The following TBC1D5 variants were observed in gnomAD, a reference collection of about 807,000 sequenced individuals.
TBC1D5 encodes the protein TBC1 domain family member 5, also known as TBC1 domain family, member 5.
In TBC1D5, 75 loss-of-function variants were observed where a neutral mutation model predicts 100.3. The ratio of observed to expected loss-of-function variants is 0.75; its 90% CI spans 0.62 to 0.91. TBC1D5 has a LOEUF of 0.91. Among genes scored for constraint, TBC1D5 ranks in the 40% least tolerant of loss-of-function variants. The pLI, the probability that TBC1D5 is intolerant of heterozygous loss-of-function variation, is 0.00. For missense variants in TBC1D5, 910 were observed against 942.4 expected (o/e 0.97, Z 0.45); for synonymous variants, 323 against 325.6 (o/e 0.99, Z 0.09).
chr3:17,502,829 C>T (rs1225494577), intron 3 of TBC1D5, among the ~76,000 whole-genome samples: 1 of 149,440 alleles, frequency 6.7e-6, no homozygotes, highest in Non-Finnish European at 1.5e-5. Context: ...CTGTATGTCA[C>T]TGCAAACTTC....
At chr3:17,511,813 T>C (rs1266711854) in intron 2 of TBC1D5, among the ~76,000 whole-genome samples, 1 of 152,076 alleles carries the variant, frequency 6.6e-6, no homozygotes, top group Non-Finnish European at 1.5e-5. Context: ...TGATTTATTA[T>C]GCCTATAGAT....
intron 4 of TBC1D5, among the ~76,000 whole-genome samples, chr3:17,410,208 GAAT>G (rs2093885836): frequency 6.6e-6 from 1 of 152,106 alleles, no homozygotes; most frequent in South Asian, 2.1e-4. Context: ...CGTATAAATG[GAAT>G]AACAAAGCCT....
At position 17,603,999 on chromosome 3, in the gene TBC1D5, T is replaced by C. The variant is rs936702411; in HGVS notation, c.-36+19850A>G. Among the ~76,000 whole-genome samples the C allele has an allele frequency of 3.3e-5, 5 of 152,338 alleles. No homozygotes were observed. In the East Asian group the frequency reaches 9.6e-4, roughly 29 times the overall value. On this transcript the variant is annotated intron_variant, in intron 2 of 21. Coordinates refer to ENST00000253692, the Ensembl canonical transcript of TBC1D5. ...CTTCTACTTTACTGTCAGCTTATTCTTGAATTCCTTCCTTCATGAAGCCAA... is the reference window on the plus strand; with the variant it reads ...CTTCTACTTTACTGTCAGCTTATTCCTGAATTCCTTCCTTCATGAAGCCAA...
At chr3:17,518,506 C>A (rs138983059) in intron 2 of TBC1D5, among the ~76,000 whole-genome samples, 1 of 152,172 alleles carries the variant, frequency 6.6e-6, no homozygotes, top group Non-Finnish European at 1.5e-5. Flanking sequence ...GATTACCTAC[C>A]CACCCCATCT....
At chr3:17,328,972 A>T (rs1329909368) in intron 13 of TBC1D5, among the ~76,000 whole-genome samples, 1 of 152,210 alleles carries the variant, frequency 6.6e-6, no homozygotes, top group Non-Finnish European at 1.5e-5. Flanking sequence ...TTTGGTGGGT[A>T]ACACTGAGGA....
At position 17,249,955 on chromosome 3, in the gene TBC1D5, A is replaced by G. The variant is rs56133974; in HGVS notation, c.1331+8551T>C. Among the ~76,000 whole-genome samples the G allele has an allele frequency of 4.4e-3, 675 of 152,374 alleles. 1 individual carries two copies. Among genetic ancestry groups the G allele is most frequent in the African/African-American group, 0.016 (654 of 41,584 alleles). ...TCTTAACAGGTATAATACTGAATAC[A>G]TATGAAATAGTGCTAGAATTACCAA... On this transcript the variant is annotated intron_variant, in intron 16 of 21. Transcript: ENST00000253692.
At chr3:17,566,080 A>C (rs190447812) in intron 2 of TBC1D5, among the ~76,000 whole-genome samples, 36 of 152,152 alleles carry the variant, frequency 2.4e-4, no homozygotes, top group Admixed American at 2.2e-3. Context: ...TTCCTGAACA[A>C]ATCAAACAGT....
chr3:17,740,186 G>T (rs1001476435), exon 1 of TBC1D5: 1 of 151,872 alleles, frequency 6.6e-6, no homozygotes, highest in East Asian at 1.9e-4. Context: ...AAATTAGTCG[G>T]GAGTGGTGGC....
intron 19 of TBC1D5, among the ~76,000 whole-genome samples, chr3:17,180,930 A>G (rs573270013): frequency 1.2e-4 from 19 of 152,026 alleles, no homozygotes; most frequent in East Asian, 1.2e-3. Flanking sequence ...AAAAAAAAAA[A>G]AAAAGAAAAG....
At chr3:17,696,907 T>C (rs2072202453) in intron 1 of TBC1D5, among the ~76,000 whole-genome samples, 1 of 152,158 alleles carries the variant, frequency 6.6e-6, no homozygotes, top group Non-Finnish European at 1.5e-5. Flanking sequence ...TTACCCACCA[T>C]GATCAAGTCA....
In TBC1D5 at chr3:17,636,634, A is replaced by G. The variant is rs536759643; in HGVS notation, c.-100-12721T>C. On this transcript the variant is annotated intron_variant, in intron 1 of 21. Coordinates refer to ENST00000253692, the Ensembl canonical transcript of TBC1D5. ...GTGAAACCCTGTCTCTACTAAAAAT[A>G]AAAAATAAAAAAAAAAATTAGCCAG... Among the ~76,000 whole-genome samples the G allele has an allele frequency of 6.6e-5, 10 of 151,836 alleles. No homozygotes were observed. In the South Asian group the frequency reaches 1.5e-3, roughly 22 times the overall value.
chr3:17,347,690 T>A (rs1256928272), intron 13 of TBC1D5, among the ~76,000 whole-genome samples: 1 of 152,046 alleles, frequency 6.6e-6, no homozygotes, highest in Non-Finnish European at 1.5e-5. Flanking sequence ...GAGCTCGGAA[T>A]TTTTTGAGTT....
At chr3:17,504,381 C>G (rs2095821388) in intron 3 of TBC1D5, among the ~76,000 whole-genome samples, 1 of 150,860 alleles carries the variant, frequency 6.6e-6, no homozygotes, top group South Asian at 2.1e-4. Context: ...CACATGTATA[C>G]ATATGTAACT....
chr3:17,235,944 C>T (rs1280489886), intron 17 of TBC1D5, among the ~76,000 whole-genome samples: 1 of 149,814 alleles, frequency 6.7e-6, no homozygotes, highest in East Asian at 2.0e-4. Context: ...AAGAACAAAA[C>T]ACAAGTACAA....
At chr3:17,427,729 T>C in intron 4 of TBC1D5, among the ~76,000 whole-genome samples, 1 of 151,910 alleles carries the variant, frequency 6.6e-6, no homozygotes, top group Non-Finnish European at 1.5e-5. Flanking sequence ...TTGCACTTTT[T>C]TCCTAAAGAA....
At chr3:17,207,181 GTA>G (rs1488727454) in intron 18 of TBC1D5, among the ~76,000 whole-genome samples, 1 of 151,988 alleles carries the variant, frequency 6.6e-6, no homozygotes, top group Non-Finnish European at 1.5e-5. Flanking sequence ...TCTATTTTTT[GTA>G]TACTTTAACC....
At chr3:17,733,509 A>AC (rs1156458188) in intron 1 of TBC1D5, among the ~76,000 whole-genome samples, 1 of 152,180 alleles carries the variant, frequency 6.6e-6, no homozygotes, top group Non-Finnish European at 1.5e-5. Context: ...GTGGAGCTAG[A>AC]CAGCAATAAT....
intron 18 of TBC1D5, among the ~76,000 whole-genome samples, chr3:17,186,511 C>A (rs1447936918): frequency 1.3e-5 from 2 of 151,560 alleles, no homozygotes; most frequent in African/African-American, 4.8e-5. Flanking sequence ...GAGTTCGAGA[C>A]CAGCCTTGTC....
intron 15 of TBC1D5, among the ~76,000 whole-genome samples, chr3:17,264,619 C>A (rs1463968150): frequency 6.6e-6 from 1 of 152,134 alleles, no homozygotes; most frequent in African/African-American, 2.4e-5. Context: ...GCGCAGGGTG[C>A]CTGATAGGTG....
Sources: gnomAD v4.1 joint callset for allele counts (sites outside exome capture counted in the v4.1 genomes callset) on GRCh38, gnomAD v4.1.1 for gene constraint, MANE v1.5 for transcripts, NCBI Gene and HGNC (gene_info 2026-07-23, HGNC 2026-07-21) for gene names.